ZNF438: variants seen among roughly 807,000 people sequenced by gnomAD.
ZNF438 encodes zinc finger protein 438.
In ZNF438, 25 loss-of-function variants were observed where a neutral mutation model predicts 38.0. That is an observed-to-expected ratio of 0.66 (90% CI 0.48 to 0.92). The LOEUF (loss-of-function observed/expected upper bound fraction) is 0.92. ZNF438 is among the 40% of genes least tolerant of loss of function. ZNF438 has a pLI of 0.00. For missense variants in ZNF438, 1,007 were observed against 999.6 expected (o/e 1.01, Z -0.10); for synonymous variants, 372 against 364.1 (o/e 1.02, Z -0.25).
intron 1 of ZNF438, among the ~76,000 whole-genome samples, chr10:31,004,094 C>A (rs990596819): frequency 2.6e-5 from 4 of 152,070 alleles, no homozygotes; most frequent in Non-Finnish European, 4.4e-5. Flanking sequence ...AGACATCTGG[C>A]AATATCTGGA....
At chr10:31,006,445 A>G (rs1318129516) in intron 1 of ZNF438, among the ~76,000 whole-genome samples, 1 of 152,140 alleles carries the variant, frequency 6.6e-6, no homozygotes, top group Non-Finnish European at 1.5e-5. Context: ...ACACCCAGGG[A>G]GGGCAAGGGA....
chr10:31,020,095 G>A (rs2056481576), intron 1 of ZNF438, among the ~76,000 whole-genome samples: 1 of 152,102 alleles, frequency 6.6e-6, no homozygotes. Flanking sequence ...TTCACTGCAT[G>A]TACACAGAGA....
chr10:30,885,555 G>A (rs2039849764), intron 3 of ZNF438, among the ~76,000 whole-genome samples: 2 of 152,186 alleles, frequency 1.3e-5, no homozygotes, highest in African/African-American at 4.8e-5. Flanking sequence ...AAACTGAGGT[G>A]CTCAAAGAAA....
chr10:30,953,985 T>C (rs957018248), intron 1 of ZNF438, among the ~76,000 whole-genome samples: 2 of 151,750 alleles, frequency 1.3e-5, no homozygotes, highest in African/African-American at 2.4e-5. Context: ...CTACTGAAAA[T>C]ACAAAAAATT....
At chr10:30,981,349 C>T (rs4749652) in intron 1 of ZNF438, among the ~76,000 whole-genome samples, 94,444 of 152,060 alleles carry the variant, frequency 0.62, 31,055 homozygotes, top group African/African-American at 0.85. Flanking sequence ...TGAAATAATC[C>T]GAAGTTTACT....
intron 3 of ZNF438, among the ~76,000 whole-genome samples, chr10:30,893,923 A>G (rs1297666606): frequency 1.3e-5 from 2 of 152,232 alleles, no homozygotes; most frequent in Non-Finnish European, 2.9e-5. Context: ...TTGTAATACT[A>G]TTAAATTAAA....
chr10:30,970,922 A>T (rs2050671783), intron 1 of ZNF438, among the ~76,000 whole-genome samples: 1 of 152,222 alleles, frequency 6.6e-6, no homozygotes, highest in Admixed American at 6.5e-5. Context: ...CTTCATTCCT[A>T]AAAGTTGAGC....
intron 1 of ZNF438, among the ~76,000 whole-genome samples, chr10:31,003,369 T>G (rs906730800): frequency 2.0e-5 from 3 of 152,146 alleles, no homozygotes; most frequent in Non-Finnish European, 4.4e-5. Flanking sequence ...ACAGGTAGTA[T>G]TGGATGTCTT....
intron 1 of ZNF438, among the ~76,000 whole-genome samples, chr10:31,021,374 ATAGT>A (rs2056579880): frequency 6.6e-6 from 1 of 152,066 alleles, no homozygotes; most frequent in Non-Finnish European, 1.5e-5. Flanking sequence ...CACAGAGTAA[ATAGT>A]TATAGATAGT....
chr10:31,032,347 A>T (rs189434106), upstream of ZNF438, among the ~76,000 whole-genome samples: 1 of 152,014 alleles, frequency 6.6e-6, no homozygotes, highest in East Asian at 1.9e-4. Context: ...AGCCCTGAAA[A>T]GACAGCTCTC....
At chr10:30,998,621 T>C (rs181611412) in intron 1 of ZNF438, among the ~76,000 whole-genome samples, 2 of 137,796 alleles carry the variant, frequency 1.5e-5, no homozygotes, top group Admixed American at 1.5e-4. Context: ...TAGCTAGTAA[T>C]GAAGACGATT....
intron 1 of ZNF438, among the ~76,000 whole-genome samples, chr10:30,994,656 T>G (rs2053862392): frequency 1.3e-5 from 2 of 152,086 alleles, no homozygotes; most frequent in Admixed American, 6.6e-5. Flanking sequence ...TTGGTATTGG[T>G]CTTTGGTATT....
chr10:30,845,925 T>C (rs1208484881), intron 5 of ZNF438, among the ~76,000 whole-genome samples: 1 of 152,098 alleles, frequency 6.6e-6, no homozygotes. Context: ...ACACCCTCGG[T>C]TCTGTTGAAG....
At chr10:30,940,482 A>G (rs190944287) in intron 2 of ZNF438, among the ~76,000 whole-genome samples, 51 of 152,326 alleles carry the variant, frequency 3.3e-4, no homozygotes, top group African/African-American at 1.1e-3. Context: ...AGCAGGGGAC[A>G]TCACAGGCAG....
chr10:30,988,230 TAC>T (rs1307191133), intron 1 of ZNF438, among the ~76,000 whole-genome samples: 1 of 152,092 alleles, frequency 6.6e-6, no homozygotes, highest in East Asian at 1.9e-4. Flanking sequence ...ACTTACCAGG[TAC>T]CTCATTATCG....
chr10:30,861,169 A>G (rs2035522082), intron 4 of ZNF438, among the ~76,000 whole-genome samples: 1 of 152,196 alleles, frequency 6.6e-6, no homozygotes, highest in South Asian at 2.1e-4. Flanking sequence ...ACCCTGATGT[A>G]AAATGGCACA....
chr10:30,848,831 T>A, exon 5 of ZNF438: 1 of 1,614,220 alleles, frequency 6.2e-7, no homozygotes, highest in Non-Finnish European at 8.5e-7. Flanking sequence ...TGTATTCATG[T>A]GGTCTCGAAG....
At chr10:30,849,791 G>T (rs1426501132) in exon 5 of ZNF438, 1 of 1,614,180 alleles carries the variant, frequency 6.2e-7, no homozygotes, top group South Asian at 1.1e-5. Context: ...GGTCACTGGT[G>T]GTCTCAAGTC....
At chr10:30,987,938 G>A (rs1456337066) in intron 1 of ZNF438, among the ~76,000 whole-genome samples, 1 of 152,052 alleles carries the variant, frequency 6.6e-6, no homozygotes, top group Non-Finnish European at 1.5e-5. Context: ...TAATTTTTAT[G>A]GCGAACTTAC....
Sources: allele counts gnomAD v4.1 joint callset (sites outside exome capture counted in the v4.1 genomes callset), GRCh38; gene constraint gnomAD v4.1.1; transcripts MANE v1.5; gene names NCBI Gene and HGNC (gene_info 2026-07-23, HGNC 2026-07-21).